The following CCSER1 variants were observed in gnomAD, a reference collection of about 807,000 sequenced individuals.
CCSER1 encodes coiled-coil serine rich protein 1.
CCSER1 carries 41 observed loss-of-function variants against 82.0 expected under a neutral mutation model. The ratio of observed to expected loss-of-function variants is 0.50; its 90% CI spans 0.39 to 0.65. The LOEUF is 0.65. Ranked by LOEUF, CCSER1 falls within the 30% of genes least tolerant of loss-of-function variation. The pLI, the probability that CCSER1 is intolerant of heterozygous loss-of-function variation, is 0.00. For synonymous variants in CCSER1, 414 were observed against 383.9 expected (o/e 1.08, Z -0.92); for missense variants, 1,119 against 1,064.2 (o/e 1.05, Z -0.72).
chr4:90,193,678 C>T (rs1348412877), intron 1 of CCSER1, among the ~76,000 whole-genome samples: 2 of 151,744 alleles, frequency 1.3e-5, no homozygotes, highest in Non-Finnish European at 2.9e-5. Context: ...CACTAATATT[C>T]CACCTAAGCT....
chr4:90,469,524 A>ACACACACACACACAC (rs1764070832), intron 5 of CCSER1, among the ~76,000 whole-genome samples: 1 of 136,340 alleles, frequency 7.3e-6, no homozygotes, highest in African/African-American at 2.7e-5. Context: ...TTTCCTGCAA[A>ACACACACACACACAC]ACACACACAC....
intron 10 of CCSER1, among the ~76,000 whole-genome samples, chr4:91,362,272 G>C (rs1392308533): frequency 6.6e-6 from 1 of 151,830 alleles, no homozygotes; most frequent in East Asian, 1.9e-4. Context: ...TGAGCCTGTA[G>C]TGTCTGAGAG....
intron 10 of CCSER1, among the ~76,000 whole-genome samples, chr4:91,314,967 A>G (rs1054188054): frequency 2.0e-5 from 3 of 151,978 alleles, no homozygotes; most frequent in Admixed American, 6.6e-5. Flanking sequence ...GAGAAAGTCA[A>G]CAAAATGTGT....
intron 10 of CCSER1, among the ~76,000 whole-genome samples, chr4:91,247,740 G>A (rs752399595): frequency 9.9e-5 from 15 of 152,212 alleles, no homozygotes; most frequent in East Asian, 1.9e-4. Flanking sequence ...GTGGTGGTGC[G>A]TGTCTGCAGT....
chr4:90,915,646 T>C (rs932834373), intron 8 of CCSER1, among the ~76,000 whole-genome samples: 1 of 152,116 alleles, frequency 6.6e-6, no homozygotes, highest in African/African-American at 2.4e-5. Flanking sequence ...TTCAACATAG[T>C]GTTGGAAGTT....
At chr4:90,852,076 T>C (rs536227766) in intron 8 of CCSER1, among the ~76,000 whole-genome samples, 1 of 152,192 alleles carries the variant, frequency 6.6e-6, no homozygotes, top group Non-Finnish European at 1.5e-5. Context: ...TAGTTTTAGA[T>C]AATCCAGCAT....
rs545536352 is a variant in CCSER1 at position 91,404,771 on chromosome 4, A to G, written c.2218-193801A>G. On this transcript the variant is annotated intron_variant, in intron 10 of 10. Transcript: ENST00000509176. ...CATTGTCTGAGAGACAGTTTGTTAT[A>G]ATTTCTGTTCTTTTACATTTGCTGA... Among the ~76,000 whole-genome samples, 14 of 152,172 alleles carry G rather than the reference A, an allele frequency of 9.2e-5. 1 individual carries two copies. In the South Asian group the frequency reaches 2.9e-3, roughly 32 times the overall value.
At chr4:91,338,155 C>T (rs1341476423) in intron 10 of CCSER1, among the ~76,000 whole-genome samples, 2 of 152,106 alleles carry the variant, frequency 1.3e-5, no homozygotes, top group African/African-American at 2.4e-5. Flanking sequence ...TGTTTGTGCA[C>T]TTTCTTTCTC....
intron 10 of CCSER1, among the ~76,000 whole-genome samples, chr4:91,589,335 TAA>T: frequency 6.6e-6 from 1 of 151,862 alleles, no homozygotes; most frequent in East Asian, 1.9e-4. Flanking sequence ...GGATGAAAAA[TAA>T]GTTTGATTCT....
At chr4:90,695,103 C>T (rs1452990753) in intron 6 of CCSER1, among the ~76,000 whole-genome samples, 1 of 149,362 alleles carries the variant, frequency 6.7e-6, no homozygotes, top group Non-Finnish European at 1.5e-5. Context: ...TCTAGAATTT[C>T]TAATCTCCAT....
At chr4:91,362,551 C>T (rs963850128) in intron 10 of CCSER1, among the ~76,000 whole-genome samples, 1 of 151,748 alleles carries the variant, frequency 6.6e-6, no homozygotes, top group Non-Finnish European at 1.5e-5. Flanking sequence ...CTTTCTACTA[C>T]TCACAGTTTA....
intron 5 of CCSER1, among the ~76,000 whole-genome samples, chr4:90,478,748 T>TA (rs1303745132): frequency 6.6e-6 from 1 of 150,762 alleles, no homozygotes; most frequent in African/African-American, 2.4e-5. Flanking sequence ...TTTTTTTTTT[T>TA]TATTTTTTTG....
At chr4:90,496,529 T>C (rs1279470652) in intron 5 of CCSER1, among the ~76,000 whole-genome samples, 1 of 152,182 alleles carries the variant, frequency 6.6e-6, no homozygotes, top group Non-Finnish European at 1.5e-5. Context: ...AGGTGTGATT[T>C]CAATTTTTTC....
rs557366703 is a variant in CCSER1, at chr4:90,310,704, A to G, written c.1324+1096A>G. On this transcript the variant is annotated intron_variant, in intron 2 of 10. Transcript: ENST00000509176. ...TGGTAAGTAGTGCAGTCAGATTACA[A>G]CTCTCTGAATCCAAAGCTCTGGCTC... is the stretch of plus-strand genomic sequence containing the variant. Among the ~76,000 whole-genome samples the G allele has an allele frequency of 9.2e-5, 14 of 152,126 alleles. No homozygotes were observed. In the South Asian group the frequency reaches 2.9e-3, roughly 32 times the overall value.
At chr4:90,439,370 T>C (rs1759526767) in intron 4 of CCSER1, among the ~76,000 whole-genome samples, 1 of 152,188 alleles carries the variant, frequency 6.6e-6, no homozygotes, top group African/African-American at 2.4e-5. Context: ...CTAATTTTAT[T>C]TCTATATCAT....
At chr4:90,705,233 G>A (rs994956055) in intron 6 of CCSER1, among the ~76,000 whole-genome samples, 4 of 152,194 alleles carry the variant, frequency 2.6e-5, no homozygotes, top group African/African-American at 7.2e-5. Context: ...TTTGCTGGAA[G>A]TCCACTCCAG....
At chr4:90,579,581 TCCATACC>T (rs779948352) in intron 5 of CCSER1, among the ~76,000 whole-genome samples, 8 of 152,176 alleles carry the variant, frequency 5.3e-5, no homozygotes, top group Non-Finnish European at 8.8e-5. Context: ...AGAAATATTT[TCCATACC>T]TCCTTGCACT....
intron 1 of CCSER1, among the ~76,000 whole-genome samples, chr4:90,185,263 C>T (rs1368337533): frequency 6.6e-6 from 1 of 152,000 alleles, no homozygotes; most frequent in Non-Finnish European, 1.5e-5. Context: ...CTTCTGAGGA[C>T]CTCCTACATA....
At chr4:91,131,020 T>C (rs1027224708) in intron 10 of CCSER1, among the ~76,000 whole-genome samples, 2 of 151,942 alleles carry the variant, frequency 1.3e-5, no homozygotes, top group Non-Finnish European at 2.9e-5. Context: ...GATCTGTATA[T>C]GTTTGCATGT....
Sources: gnomAD v4.1 joint callset for allele counts (sites outside exome capture counted in the v4.1 genomes callset) on GRCh38, gnomAD v4.1.1 for gene constraint, MANE v1.5 for transcripts, NCBI Gene and HGNC (gene_info 2026-07-23, HGNC 2026-07-21) for gene names.